The following NKAIN3 variants were observed in gnomAD, a reference collection of about 807,000 sequenced individuals.
NKAIN3 encodes the protein sodium/potassium transporting ATPase interacting 3.
NKAIN3 carries 25 observed loss-of-function variants against 30.2 expected under a neutral mutation model. The ratio of observed to expected loss-of-function variants is 0.83; its 90% CI spans 0.60 to 1.16. The LOEUF is 1.16. Ranked by LOEUF, NKAIN3 falls within the 50% of genes most tolerant of loss-of-function variation. The probability of loss-of-function intolerance (pLI) is 0.00; values close to 1 mark genes in which losing one functional copy is unlikely to be tolerated. For synonymous variants in NKAIN3, 91 were observed against 89.6 expected (o/e 1.02, Z -0.09); for missense variants, 225 against 254.1 (o/e 0.89, Z 0.78).
intron 3 of NKAIN3, among the ~76,000 whole-genome samples, chr8:62,729,775 G>T (rs556049707): frequency 1.8e-4 from 28 of 152,112 alleles, no homozygotes; most frequent in Non-Finnish European, 3.4e-4. Context: ...AGCATGGATT[G>T]CATTCATACA....
chr8:62,725,340 AT>A (rs1815220277), intron 3 of NKAIN3, among the ~76,000 whole-genome samples: 1 of 151,998 alleles, frequency 6.6e-6, no homozygotes, highest in Non-Finnish European at 1.5e-5. Context: ...TTAACTGTTG[AT>A]TGTTTCATTT....
chr8:62,863,779 G>GA (rs1820332163), intron 4 of NKAIN3: 1 of 1,611,172 alleles, frequency 6.2e-7, no homozygotes, highest in Admixed American at 1.7e-5. Flanking sequence ...AGACAGTAGA[G>GA]AAGTGCCCCC....
intron 1 of NKAIN3, among the ~76,000 whole-genome samples, chr8:62,443,552 T>C (rs1463627276): frequency 6.6e-6 from 1 of 151,472 alleles, no homozygotes; most frequent in East Asian, 2.0e-4. Context: ...CCAGGCTAAT[T>C]TTATATTTTT....
At chr8:62,419,127 G>T (rs1804551116) in intron 1 of NKAIN3, among the ~76,000 whole-genome samples, 1 of 152,090 alleles carries the variant, frequency 6.6e-6, no homozygotes, top group African/African-American at 2.4e-5. Flanking sequence ...ACTGGCCATT[G>T]ATTCAGTGCA....
intron 1 of NKAIN3, among the ~76,000 whole-genome samples, chr8:62,576,351 T>TGTA (rs981204809): frequency 3.9e-5 from 6 of 152,160 alleles, no homozygotes; most frequent in Non-Finnish European, 7.4e-5. Flanking sequence ...CTGGAGCATC[T>TGTA]TACTGCCTTT....
At position 62,295,979 on chromosome 8, in the gene NKAIN3, T is replaced by A. The variant is rs570879998; in HGVS notation, c.54+46852T>A. ...GCTTTAGCCAAGACCAACTTGCACA[T>A]CAGCAAATAAAGCTAGTCCATATTT... On this transcript the variant is annotated intron_variant, in intron 1 of 6. Transcript: ENST00000623646. Among the ~76,000 whole-genome samples, 8 of 152,330 alleles carry A rather than the reference T, an allele frequency of 5.3e-5. No homozygotes were observed. The East Asian group carries it at 1.5e-3, about 29-fold the overall frequency.
At chr8:62,522,076 A>C (rs1808176609) in intron 1 of NKAIN3, among the ~76,000 whole-genome samples, 1 of 152,138 alleles carries the variant, frequency 6.6e-6, no homozygotes, top group Non-Finnish European at 1.5e-5. Flanking sequence ...GAGCCTAAAA[A>C]GGCGGCAGTC....
At chr8:62,579,462 C>T (rs1810223811) in intron 1 of NKAIN3, 77 bp from the exon 2 acceptor site, 1 of 1,168,842 alleles carries the variant, frequency 8.6e-7, no homozygotes, top group South Asian at 2.1e-5. Context: ...GCAGACTCCT[C>T]CAGCCATGAG....
chr8:62,387,860 CT>C (rs374915500), intron 1 of NKAIN3, among the ~76,000 whole-genome samples: 9 of 152,224 alleles, frequency 5.9e-5, no homozygotes, highest in Non-Finnish European at 1.3e-4. Flanking sequence ...GCTTTTCTGT[CT>C]TATCTTGAAA....
rs142887533 is a variant in NKAIN3 at position 62,976,703 on chromosome 8, G to A, written c.*11296G>A. ...TTACATTTAAGGTTAATATTGTTAT[G>A]TGTGAATTTGATTCTGTCATTATGA... On this transcript the variant is annotated 3_prime_UTR_variant, in exon 7 of 7. Coordinates refer to ENST00000623646, the MANE Select transcript of NKAIN3 (RefSeq NM_001304533.3). Among the ~76,000 whole-genome samples the A allele has an allele frequency of 0.017, 2,601 of 152,272 alleles. 62 individuals are homozygous for A. The highest frequency in any genetic ancestry group is 0.054 in the African/African-American group (2,253 of 41,546).
chr8:62,834,788 T>C (rs936529229), intron 4 of NKAIN3, among the ~76,000 whole-genome samples: 2 of 152,078 alleles, frequency 1.3e-5, no homozygotes, highest in Non-Finnish European at 2.9e-5. Context: ...ATGTTATTCC[T>C]ATCAAATTAC....
At chr8:62,264,726 A>G (rs1007880261) in intron 1 of NKAIN3, among the ~76,000 whole-genome samples, 3 of 152,174 alleles carry the variant, frequency 2.0e-5, no homozygotes, top group Non-Finnish European at 4.4e-5. Context: ...TCCAATTTTT[A>G]TGATACAGCA....
chr8:62,322,729 T>A (rs1814977894), intron 1 of NKAIN3, among the ~76,000 whole-genome samples: 1 of 152,124 alleles, frequency 6.6e-6, no homozygotes, highest in Admixed American at 6.5e-5. Context: ...GCTATTTAAA[T>A]TGGATCATGC....
intron 1 of NKAIN3, among the ~76,000 whole-genome samples, chr8:62,287,572 T>C (rs1475045390): frequency 6.6e-6 from 1 of 152,118 alleles, no homozygotes; most frequent in African/African-American, 2.4e-5. Flanking sequence ...TAAAATAAGA[T>C]CTCTTTATTT....
chr8:62,624,663 T>C (rs537728505), intron 3 of NKAIN3, among the ~76,000 whole-genome samples: 22 of 152,040 alleles, frequency 1.4e-4, no homozygotes, highest in African/African-American at 5.3e-4. Flanking sequence ...TTTGGGGAAA[T>C]TCACAGTCAT....
At chr8:62,689,860 C>G (rs1813909461) in intron 3 of NKAIN3, among the ~76,000 whole-genome samples, 3 of 151,656 alleles carry the variant, frequency 2.0e-5, no homozygotes, top group East Asian at 1.9e-4. Flanking sequence ...CTGAACGAGC[C>G]CTGAGAAAAA....
rs1352869578 is a variant in NKAIN3 at position 62,741,408 on chromosome 8, AAGGAAGGAAGGAAGGC to A, written c.274-5520_274-5505del. ...GAAGGAAGGAAGGAAGGAAGGAAGG[AAGGAAGGAAGGAAGGC>A]AGGCAAGCAAGCAAGCACACTCCAA... On this transcript the variant is annotated intron_variant, in intron 3 of 6. Coordinates refer to ENST00000623646, the MANE Select transcript of NKAIN3 (RefSeq NM_001304533.3). Among the ~76,000 whole-genome samples the A allele has an allele frequency of 3.2e-3, 444 of 139,312 alleles. 1 individual carries two copies. The highest frequency in any genetic ancestry group is 0.02 in the South Asian group (92 of 4,652). 91.4% of individuals were successfully genotyped at this position (139,312 alleles called of 152,430 possible). A position where few individuals can be genotyped will look rare whatever the true frequency, so the allele number is the denominator to read the frequency against.
intron 5 of NKAIN3, among the ~76,000 whole-genome samples, chr8:62,935,952 T>C (rs1445946633): frequency 1.3e-5 from 2 of 152,170 alleles, no homozygotes; most frequent in Non-Finnish European, 2.9e-5. Flanking sequence ...AAACTGTGTT[T>C]CATTTTAATA....
chr8:62,986,171 A>T (rs1824194669), downstream of NKAIN3, among the ~76,000 whole-genome samples: 1 of 152,184 alleles, frequency 6.6e-6, no homozygotes, highest in Non-Finnish European at 1.5e-5. Flanking sequence ...AAGAATGTGT[A>T]TTTGGAGATC....
Sources: allele counts gnomAD v4.1 joint callset (sites outside exome capture counted in the v4.1 genomes callset), GRCh38; gene constraint gnomAD v4.1.1; transcripts MANE v1.5; gene names NCBI Gene and HGNC (gene_info 2026-07-23, HGNC 2026-07-21).